The following SELE variants were observed in gnomAD, a reference collection of about 807,000 sequenced individuals.
The protein encoded by SELE is E-selectin.
A neutral mutation model predicts 75.8 loss-of-function variants in SELE; 52 were observed. That is an observed-to-expected ratio of 0.69 (90% CI 0.55 to 0.86). The LOEUF (loss-of-function observed/expected upper bound fraction) is 0.86. Ranked by LOEUF, SELE falls within the 40% of genes least tolerant of loss-of-function variation. The probability of loss-of-function intolerance (pLI) is 0.00; values close to 1 mark genes in which losing one functional copy is unlikely to be tolerated. For synonymous variants in SELE, 285 were observed against 258.7 expected, an observed-to-expected ratio of 1.10 and a Z score of -0.98; for missense variants, 754 against 732.7, an observed-to-expected ratio of 1.03 and a Z score of -0.34.
Position 169,733,958 on chromosome 1 carries a change from G to A in SELE, c.-49+13C>T, listed in dbSNP as rs759945361. On this transcript the variant is annotated intron_variant, in intron 1 of 13. Coordinates refer to ENST00000333360, the MANE Select transcript of SELE (RefSeq NM_000450.2). ...TGGCCCGAGGCTGCCCTTATAAAGCGTTCTGCACTTACCGTTTTGGGAAGC... is the reference window on the plus strand; with the variant it reads ...TGGCCCGAGGCTGCCCTTATAAAGCATTCTGCACTTACCGTTTTGGGAAGC... The A allele has an allele frequency of 1.5e-4, 42 of 273,748 alleles. No homozygotes were observed. The highest frequency in any genetic ancestry group is 7.1e-4 in the South Asian group (14 of 19,690). The allele number at this position is 273,748 out of a possible 1,614,324, so 17.0% of individuals were successfully genotyped here.
At position 169,727,425 on chromosome 1, in the gene SELE, T is replaced by A; in HGVS notation, c.1569A>T (p.Gly523=). The A allele has an allele frequency of 6.2e-7, 1 of 1,614,160 alleles. No individual in the cohort carries two copies. The change falls in exon 10 of 14, where the codon GGA becomes GGT. Residue 523 remains glycine, a synonymous_variant. Coordinates refer to ENST00000333360, the MANE Select transcript of SELE (RefSeq NM_000450.2). ...GTVCKFACPE[G]WTLNGSAART... is the part of the protein sequence containing the mutation. ...GAGCTGCAGAGCCATTGAGCGTCCATCCTTCAGGACAGGCGAACTTGCACA... is the reference window on the plus strand; with the variant it reads ...GAGCTGCAGAGCCATTGAGCGTCCAACCTTCAGGACAGGCGAACTTGCACA...
Position 169,728,525 on chromosome 1 carries a change from T to A in SELE, c.1091-279A>T, listed in dbSNP as rs1571145064. 2.0e-5 allele frequency among the ~76,000 whole-genome samples: 3 copies of A among 152,294 alleles called. No homozygotes were observed. The South Asian group carries it at 6.2e-4, about 32-fold the overall frequency. ...TGGTCCAAGGAAAGATTTCACGCAGTCTGAGGACAACATATGGGTCATGGA... is the reference window on the plus strand; with the variant it reads ...TGGTCCAAGGAAAGATTTCACGCAGACTGAGGACAACATATGGGTCATGGA... On this transcript the variant is annotated intron_variant, in intron 7 of 13. Coordinates refer to ENST00000333360, the MANE Select transcript of SELE (RefSeq NM_000450.2).
chr1:169,730,667 T>A, intron 4 of SELE, 50 bp from the exon 5 acceptor site: 1 of 1,150,098 alleles, frequency 8.7e-7, no homozygotes, highest in Non-Finnish European at 1.2e-6. Flanking sequence ...CTTTAACAGA[T>A]AAGAACACTG....
intron 13 of SELE, among the ~76,000 whole-genome samples, chr1:169,725,342 C>T (rs527678173): frequency 8.2e-4 from 124 of 151,308 alleles, no homozygotes; most frequent in African/African-American, 2.8e-3. Context: ...AAGATCATGC[C>T]ACTGCACTCC....
Position 169,723,241 on chromosome 1 carries a change from C to T in SELE, c.*1284G>A, listed in dbSNP as rs1430046092. On this transcript the variant is annotated 3_prime_UTR_variant, in exon 14 of 14. Transcript: ENST00000333360. ...ATTCCTCTCTTCCAGAGCACCCTAA[C>T]ATACAGAAGAAAACAAATAGGGAAT... 4.6e-5 allele frequency: 7 copies of T among 152,198 alleles called. No individual in the cohort carries two copies. The highest frequency in any genetic ancestry group is 8.8e-5 in the Non-Finnish European group (6 of 68,026). The allele number at this position is 152,198 out of a possible 1,614,324, so 9.4% of individuals were successfully genotyped here.
chr1:169,733,714 T>G, intron 1 of SELE, 54 bp from the exon 2 acceptor site: 1 of 1,128,066 alleles, frequency 8.9e-7, no homozygotes, highest in South Asian at 1.2e-5. Context: ...GGTAGCTAGT[T>G]ACATTATTCT....
In SELE at chr1:169,724,285, C is replaced by G. The variant is rs191851641; in HGVS notation, c.*240G>C. 1.2e-4 allele frequency: 18 copies of G among 152,294 alleles called. No homozygotes were observed. The highest frequency in any genetic ancestry group is 2.4e-4 in the Non-Finnish European group (16 of 68,032). 9.4% of individuals were successfully genotyped at this position (152,294 alleles called of 1,614,324 possible). A position where few individuals can be genotyped will look rare whatever the true frequency, so the allele number is the denominator to read the frequency against. On this transcript the variant is annotated 3_prime_UTR_variant, in exon 14 of 14. Transcript: ENST00000333360. Reference sequence around the variant, plus strand: ...AGAAAATATCCTTTCCCTTCATTAGCCAACACTTTCTTGATCCTGAGAGTA... The same window carrying G: ...AGAAAATATCCTTTCCCTTCATTAGGCAACACTTTCTTGATCCTGAGAGTA...
At chr1:169,729,124 C>A in intron 7 of SELE, 62 bp downstream of exon 7, 1 of 1,417,696 alleles carries the variant, frequency 7.1e-7, no homozygotes, top group Non-Finnish European at 9.5e-7. Context: ...TTTTTTTTCA[C>A]TGTCCAAGTT....
chr1:169,728,304 G>A lies in SELE; in HGVS notation c.1091-58C>T, dbSNP rs1355920303. 5.4e-5 allele frequency: 82 copies of A among 1,520,784 alleles called. 1 individual carries two copies. In the Middle Eastern group the frequency reaches 7.0e-4, roughly 13 times the overall value. The allele number at this position is 1,520,784 out of a possible 1,614,324, so 94.2% of individuals were successfully genotyped here. On this transcript the variant is annotated intron_variant, in intron 7 of 13. Coordinates refer to ENST00000333360, the MANE Select transcript of SELE (RefSeq NM_000450.2). The stretch of plus-strand genomic sequence containing the variant: ...GCAGTGGAACTAGAGAGTACTTGGC[G>A]TTTGTTGAGTGAACCCAGTTCATTC...
rs949356084 is a variant in SELE, at chr1:169,733,102, T to C, written c.38-104A>G. 5.2e-6 allele frequency: 6 copies of C among 1,150,572 alleles called. No individual in the cohort carries two copies. In the Admixed American group the frequency reaches 8.4e-5, roughly 16 times the overall value. 71.3% of individuals were successfully genotyped at this position (1,150,572 alleles called of 1,614,324 possible). A position where few individuals can be genotyped will look rare whatever the true frequency, so the allele number is the denominator to read the frequency against. ...CTTATTTTTGGCAATGTTTGTGACA[T>C]GGCCCAGACTTTTCTCATCTTTTCA... is the stretch of plus-strand genomic sequence containing the variant. On this transcript the variant is annotated intron_variant, in intron 2 of 13. Coordinates refer to ENST00000333360, the MANE Select transcript of SELE (RefSeq NM_000450.2).
At chr1:169,733,476 G>A in intron 2 of SELE, 100 bp downstream of exon 2, 1 of 1,201,440 alleles carries the variant, frequency 8.3e-7, no homozygotes, top group Non-Finnish European at 1.2e-6. Flanking sequence ...GATGCTGCCA[G>A]ATATCCTGTG....
intron 5 of SELE, 78 bp from the exon 6 acceptor site, chr1:169,729,751 A>G: frequency 7.1e-7 from 1 of 1,406,526 alleles, no homozygotes; most frequent in Non-Finnish European, 9.8e-7. Flanking sequence ...TGCCTAACAG[A>G]GTGAGGAAGC....
chr1:169,726,805 A>C lies in SELE; in HGVS notation c.1647T>G (p.Ala549=), dbSNP rs1288974750. 6.2e-7 allele frequency: 1 copy of C among 1,607,058 alleles called. No homozygotes were observed. Reference sequence around the variant, plus strand: ...CCAAGGGAATGTTGGACTCAGTGGGAGCTAAGGAAGTAAGAGACGAAGAAA... The same window carrying C: ...CCAAGGGAATGTTGGACTCAGTGGGCGCTAAGGAAGTAAGAGACGAAGAAA... ...HWSGLLPTCE[A]PTESNIPLVA... is the part of the protein sequence containing the mutation. Residue 549 remains alanine, a splice_region_variant and synonymous_variant, in exon 11 of 14, where the codon GCT becomes GCG. Coordinates refer to ENST00000333360, the MANE Select transcript of SELE (RefSeq NM_000450.2).
intron 4 of SELE, chr1:169,731,552 T>C: frequency 3.4e-6 from 1 of 297,654 alleles, no homozygotes; most frequent in Non-Finnish European, 6.4e-6. Context: ...CCAGGCACCA[T>C]GTAACCATGA....
At position 169,732,690 on chromosome 1, in the gene SELE, T is replaced by C. The variant is rs199723467; in HGVS notation, c.346A>G (p.Ile116Val). The C allele has an allele frequency of 1.2e-6, 2 of 1,613,956 alleles. No individual in the cohort carries two copies. The highest frequency in any genetic ancestry group is 1.1e-5 in the South Asian group (1 of 91,042). The change falls in exon 3 of 14, where the codon ATC (isoleucine) becomes GTC (valine). Residue 116 changes from isoleucine to valine, a missense_variant. Transcript: ENST00000333360. ...ATGCCCACATCTTTTTCTCTCTTGA[T>C]GTAGATCTCCACGCAGTCCTCATCT... Reference protein sequence around the residue: ...QKDEDCVEIYIKREKDVGMWN... With the variant: ...QKDEDCVEIYVKREKDVGMWN...
chr1:169,725,832 C>A, intron 12 of SELE, 31 bp from the exon 13 acceptor site: 1 of 1,613,762 alleles, frequency 6.2e-7, no homozygotes, highest in Non-Finnish European at 8.5e-7. Flanking sequence ...CTAGGTAAAG[C>A]ACTGTCTTCC....
intron 4 of SELE, 80 bp from the exon 5 acceptor site, chr1:169,730,697 G>GTT: frequency 1.3e-6 from 1 of 790,172 alleles, no homozygotes; most frequent in Non-Finnish European, 1.7e-6. Context: ...ACTACAGTTT[G>GTT]GTTTTTTTTT....
chr1:169,727,800 TCC>T lies in SELE; in HGVS notation c.1405_1406del (p.Gly469IlefsTer5). On this transcript the variant is annotated frameshift_variant, in exon 9 of 14. Transcript: ENST00000333360. LOFTEE classifies it high-confidence loss of function. ...FSCEEGFELH[G>X]STQLECTSQG... is the part of the protein sequence containing the mutation. ...GAGATGTGCACTCAAGTTGAGTTGA[TCC>T]ATGTAATTCAAATCCCTCCTCACAG... The T allele has an allele frequency of 6.2e-7, 1 of 1,614,130 alleles. No individual in the cohort carries two copies. Among genetic ancestry groups the T allele is most frequent in the South Asian group, 1.1e-5 (1 of 91,086 alleles).
intron 10 of SELE, 55 bp from the exon 11 acceptor site, chr1:169,726,861 C>T (rs1648786978): frequency 4.7e-6 from 6 of 1,269,562 alleles, no homozygotes; most frequent in Admixed American, 3.7e-5. Flanking sequence ...GTTAAAGTCT[C>T]TCCGTCCTGT....
Sources: allele counts gnomAD v4.1 joint callset (sites outside exome capture counted in the v4.1 genomes callset), GRCh38; gene constraint gnomAD v4.1.1; transcripts MANE v1.5; gene names NCBI Gene and HGNC (gene_info 2026-07-23, HGNC 2026-07-21).